The following WDFY2 variants were observed in gnomAD, a reference collection of about 807,000 sequenced individuals.
The protein encoded by WDFY2 is WD repeat and FYVE domain-containing protein 2.
In WDFY2, 36 loss-of-function variants were observed where a neutral mutation model predicts 56.4. That is an observed-to-expected ratio of 0.64 (90% CI 0.49 to 0.84). The LOEUF is 0.84. WDFY2 is among the 40% of genes least tolerant of loss of function. The pLI is 0.00. For missense variants in WDFY2, 444 were observed against 512.2 expected, an observed-to-expected ratio of 0.87 and a Z score of 1.29; for synonymous variants, 176 against 183.7, an observed-to-expected ratio of 0.96 and a Z score of 0.34.
At chr13:51,744,684 G>A (rs1383825985) in intron 7 of WDFY2, among the ~76,000 whole-genome samples, 1 of 152,228 alleles carries the variant, frequency 6.6e-6, no homozygotes, top group African/African-American at 2.4e-5. Context: ...GTTGTGAAAA[G>A]TGGGGGCTTT....
At position 51,628,211 on chromosome 13, in the gene WDFY2, G is replaced by A. The variant is rs150677558; in HGVS notation, c.138-32385G>A. ...AGTCCTGCGCTGAGCCGCCCCTCAG[G>A]CCCCACTGGGCTCCCTCCCTGAGCT... On this transcript the variant is annotated intron_variant, in intron 1 of 11. Transcript: ENST00000298125. Among the ~76,000 whole-genome samples the A allele has an allele frequency of 5.4e-3, 829 of 152,326 alleles. 6 individuals are homozygous for A. Among genetic ancestry groups the A allele is most frequent in the Non-Finnish European group, 8.9e-3 (607 of 68,026 alleles).
intron 2 of WDFY2, among the ~76,000 whole-genome samples, chr13:51,663,878 A>G (rs1322551219): frequency 6.6e-6 from 1 of 152,256 alleles, no homozygotes; most frequent in Non-Finnish European, 1.5e-5. Context: ...CTACTACATA[A>G]TAAGTAGCAT....
At chr13:51,704,207 G>T (rs1004703449) in intron 4 of WDFY2, among the ~76,000 whole-genome samples, 3 of 152,136 alleles carry the variant, frequency 2.0e-5, no homozygotes, top group Admixed American at 1.3e-4. Context: ...TTAATGAGAG[G>T]ATGATCATCC....
intron 1 of WDFY2, among the ~76,000 whole-genome samples, chr13:51,594,893 C>G (rs1303004942): frequency 6.6e-6 from 1 of 152,212 alleles, no homozygotes; most frequent in Non-Finnish European, 1.5e-5. Flanking sequence ...CAGCACACCT[C>G]TAAGCAGGTA....
chr13:51,682,794 T>G (rs2138520906), intron 3 of WDFY2, among the ~76,000 whole-genome samples: 1 of 152,294 alleles, frequency 6.6e-6, no homozygotes, highest in East Asian at 1.9e-4. Flanking sequence ...AGTAGCAGCA[T>G]CCTCCATTTG....
intron 4 of WDFY2, among the ~76,000 whole-genome samples, chr13:51,712,744 A>G (rs578183690): frequency 5.3e-4 from 78 of 146,850 alleles, no homozygotes; most frequent in African/African-American, 1.5e-3. Flanking sequence ...GTTAACAGGG[A>G]AAAAAAAAAA....
At chr13:51,756,619 A>G (rs1246258934) in intron 10 of WDFY2, 157 bp downstream of exon 10, 1 of 985,264 alleles carries the variant, frequency 1.0e-6, no homozygotes, top group Non-Finnish European at 1.2e-6. Flanking sequence ...TGCCACCAAG[A>G]GATTTGTGGT....
chr13:51,724,231 C>CTTTTTTTTTTTTTTTTT (rs529903671), intron 5 of WDFY2, among the ~76,000 whole-genome samples: 2 of 108,016 alleles, frequency 1.9e-5, no homozygotes, highest in South Asian at 3.0e-4. Flanking sequence ...TCTTTTTTAA[C>CTTTTTTTTTTTTTTTTT]TTTTTTTTTT....
At chr13:51,738,802 T>A (rs1363527742) in intron 6 of WDFY2, among the ~76,000 whole-genome samples, 1 of 152,220 alleles carries the variant, frequency 6.6e-6, no homozygotes, top group Non-Finnish European at 1.5e-5. Context: ...TTGTCTTTTT[T>A]ATTTTCTTTT....
intron 4 of WDFY2, among the ~76,000 whole-genome samples, chr13:51,712,811 T>G (rs1302096262): frequency 1.3e-5 from 2 of 151,786 alleles, no homozygotes; most frequent in African/African-American, 4.8e-5. Flanking sequence ...CTACAGAGTC[T>G]AGGTATATTT....
intron 1 of WDFY2, among the ~76,000 whole-genome samples, chr13:51,610,377 TTACA>T (rs796280173): frequency 3.0e-4 from 46 of 152,254 alleles, no homozygotes; most frequent in African/African-American, 1.1e-3. Flanking sequence ...GTAATGAGTA[TTACA>T]TATTTATAGT....
intron 6 of WDFY2, among the ~76,000 whole-genome samples, chr13:51,738,420 G>A (rs1021567377): frequency 1.3e-4 from 20 of 152,282 alleles, no homozygotes; most frequent in African/African-American, 4.3e-4. Flanking sequence ...CACCACAACC[G>A]TATGAAGTAG....
chr13:51,643,072 A>T (rs1566334300), intron 1 of WDFY2, among the ~76,000 whole-genome samples: 1 of 152,072 alleles, frequency 6.6e-6, no homozygotes, highest in East Asian at 1.9e-4. Context: ...CCTTTTTTTT[A>T]AATTGTAAAA....
chr13:51,696,783 G>C (rs534637786), intron 3 of WDFY2, among the ~76,000 whole-genome samples: 18 of 152,288 alleles, frequency 1.2e-4, no homozygotes, highest in Non-Finnish European at 2.2e-4. Flanking sequence ...CTATCAAGAA[G>C]AATGTTGTAA....
intron 1 of WDFY2, among the ~76,000 whole-genome samples, chr13:51,595,521 CTGCCTG>C (rs1438145516): frequency 3.3e-5 from 5 of 152,186 alleles, no homozygotes; most frequent in African/African-American, 1.2e-4. Context: ...TGCTCCTGCT[CTGCCTG>C]TTGGGGCTAA....
intron 1 of WDFY2, among the ~76,000 whole-genome samples, chr13:51,654,833 A>ATC (rs1955478385): frequency 6.6e-6 from 1 of 152,014 alleles, no homozygotes; most frequent in South Asian, 2.1e-4. Context: ...AAGAGAACAG[A>ATC]TATTTTTATA....
intron 2 of WDFY2, among the ~76,000 whole-genome samples, chr13:51,669,598 A>G (rs1372303376): frequency 6.6e-6 from 1 of 152,228 alleles, no homozygotes; most frequent in East Asian, 1.9e-4. Flanking sequence ...TTCAGGTAAC[A>G]TGGAAGATGA....
At chr13:51,665,985 A>AC in intron 2 of WDFY2, among the ~76,000 whole-genome samples, 1 of 152,148 alleles carries the variant, frequency 6.6e-6, no homozygotes, top group East Asian at 1.9e-4. Flanking sequence ...GCCTGGTGGG[A>AC]TGGCATTTAC....
chr13:51,660,152 G>A (rs1256049256), intron 1 of WDFY2, among the ~76,000 whole-genome samples: 1 of 151,960 alleles, frequency 6.6e-6, no homozygotes, highest in Non-Finnish European at 1.5e-5. Context: ...TCATATATAT[G>A]TATTTATGGT....
Sources: allele counts gnomAD v4.1 joint callset (sites outside exome capture counted in the v4.1 genomes callset), GRCh38; gene constraint gnomAD v4.1.1; transcripts MANE v1.5; gene names NCBI Gene and HGNC (gene_info 2026-07-23, HGNC 2026-07-21).